COL15A1: variants seen among roughly 807,000 people sequenced by gnomAD.
COL15A1 encodes collagen type XV alpha 1 chain.
A neutral mutation model predicts 165.9 loss-of-function variants in COL15A1; 111 were observed. The observed-to-expected ratio is 0.67, with a 90% CI of 0.57 to 0.78. The LOEUF (loss-of-function observed/expected upper bound fraction) is 0.78, where lower values mean the gene tolerates loss of function less well. Ranked by LOEUF, COL15A1 falls within the 30% of genes least tolerant of loss-of-function variation. The probability of loss-of-function intolerance (pLI) is 0.00; values close to 1 mark genes in which losing one functional copy is unlikely to be tolerated. For synonymous variants in COL15A1, 659 were observed against 674.8 expected (o/e 0.98, Z 0.36); for missense variants, 1,745 against 1,789.7 (o/e 0.98, Z 0.45).
intron 35 of COL15A1, among the ~76,000 whole-genome samples, chr9:99,056,690 A>G (rs1825725647): frequency 1.3e-5 from 2 of 152,340 alleles, no homozygotes; most frequent in South Asian, 2.1e-4. Flanking sequence ...CATACCAATT[A>G]GCAGTTGTTC....
intron 16 of COL15A1, among the ~76,000 whole-genome samples, chr9:99,031,290 G>A (rs1839209787): frequency 6.6e-6 from 1 of 152,118 alleles, no homozygotes; most frequent in African/African-American, 2.4e-5. Context: ...CCAAGAACTG[G>A]GTAGTGTGTC....
intron 9 of COL15A1, among the ~76,000 whole-genome samples, chr9:99,005,679 T>C (rs1889268): frequency 0.41 from 62,650 of 152,068 alleles, 14,134 homozygotes; most frequent in East Asian, 0.68. Context: ...TTAAGTTCTA[T>C]ATCCCATCAA....
At chr9:99,021,914 G>A (rs917729459) in intron 12 of COL15A1, among the ~76,000 whole-genome samples, 177 bp from the exon 13 acceptor site, 28 of 152,210 alleles carry the variant, frequency 1.8e-4, no homozygotes, top group Admixed American at 6.5e-5. Context: ...AGAAACAAAG[G>A]GCTTCTGAGC....
At chr9:99,053,064 A>G (rs1445844790) in intron 31 of COL15A1, among the ~76,000 whole-genome samples, 1 of 152,200 alleles carries the variant, frequency 6.6e-6, no homozygotes, top group African/African-American at 2.4e-5. Context: ...TGAGTAGTAA[A>G]TGTCAGCATA....
At chr9:99,013,420 T>C (rs1285599080) in intron 9 of COL15A1, among the ~76,000 whole-genome samples, 4 of 152,114 alleles carry the variant, frequency 2.6e-5, no homozygotes, top group Non-Finnish European at 5.9e-5. Context: ...AAACAATAGT[T>C]CAATTCCTCA....
At chr9:99,049,663 T>A (rs1164957418) in intron 28 of COL15A1, 27 bp from the exon 29 acceptor site, 4 of 1,612,082 alleles carry the variant, frequency 2.5e-6, no homozygotes, top group Admixed American at 1.7e-5. Flanking sequence ...CCTGAACTAA[T>A]GGAATGGCCT....
intron 16 of COL15A1, among the ~76,000 whole-genome samples, chr9:99,033,943 C>T (rs1034579793): frequency 3.3e-5 from 5 of 152,096 alleles, no homozygotes; most frequent in South Asian, 2.1e-4. Context: ...AGCTCACAGC[C>T]GACTCCTTTC....
At chr9:98,975,571 G>C (rs979181309) in intron 2 of COL15A1, among the ~76,000 whole-genome samples, 9 of 152,232 alleles carry the variant, frequency 5.9e-5, no homozygotes, top group African/African-American at 2.2e-4. Context: ...ATTCTGCCTG[G>C]TTTCCATGGA....
intron 2 of COL15A1, among the ~76,000 whole-genome samples, chr9:98,964,757 C>A (rs1489156917): frequency 1.3e-5 from 2 of 152,166 alleles, no homozygotes; most frequent in African/African-American, 2.4e-5. Context: ...CATGCCAAAG[C>A]TGCTCGAGCT....
Position 99,047,692 on chromosome 9 carries a change from G to A in COL15A1, c.2680-94G>A, listed in dbSNP as rs549034930. On this transcript the variant is annotated intron_variant, in intron 26 of 41. Transcript: ENST00000375001. ...TCCTTCCTCCTGTCAGTGGATCATC[G>A]TCACCACTGCCTGCAAAAGCGGGCT... is the stretch of plus-strand genomic sequence containing the variant. The A allele has an allele frequency of 1.6e-5, 21 of 1,319,054 alleles. 1 individual carries two copies. The East Asian group carries it at 2.8e-4, about 17-fold the overall frequency. The allele number at this position is 1,319,054 out of a possible 1,614,324, so 81.7% of individuals were successfully genotyped here. A position where few individuals can be genotyped will look rare whatever the true frequency, so the allele number is the denominator to read the frequency against.
At chr9:99,037,864 A>G (rs1201305666) in intron 21 of COL15A1, among the ~76,000 whole-genome samples, 2 of 152,216 alleles carry the variant, frequency 1.3e-5, no homozygotes, top group Admixed American at 1.3e-4. Flanking sequence ...AGCAGAGGGT[A>G]GGACAATGTG....
intron 16 of COL15A1, among the ~76,000 whole-genome samples, chr9:99,033,645 A>C (rs1252331522): frequency 6.6e-6 from 1 of 152,180 alleles, no homozygotes; most frequent in East Asian, 1.9e-4. Context: ...TTTTAGAACT[A>C]TCCATTCTCT....
At chr9:99,000,632 C>T (rs1838633987) in intron 6 of COL15A1, among the ~76,000 whole-genome samples, 1 of 152,170 alleles carries the variant, frequency 6.6e-6, no homozygotes, top group African/African-American at 2.4e-5. Context: ...AGAAGTTGAG[C>T]GACTTGCCTG....
rs72737278 is a variant in COL15A1 at position 99,011,060 on chromosome 9, A to G, written c.1354-4357A>G. Among the ~76,000 whole-genome samples the G allele has an allele frequency of 3.3e-3, 510 of 152,348 alleles. 2 individuals carry two copies. The highest frequency in any genetic ancestry group is 4.3e-3 in the Non-Finnish European group (292 of 68,040). The stretch of plus-strand genomic sequence containing the variant: ...TACAGGAGCTGAAAATGAGTTGAAG[A>G]TTAGTTATTATTTCAGGCCTTTTAA... On this transcript the variant is annotated intron_variant, in intron 9 of 41. Transcript: ENST00000375001.
chr9:98,944,471 T>C (rs1837543237), intron 2 of COL15A1, among the ~76,000 whole-genome samples: 2 of 152,060 alleles, frequency 1.3e-5, no homozygotes, highest in Non-Finnish European at 2.9e-5. Context: ...GTTGGAGCGT[T>C]GTCTGGGCAC....
chr9:98,981,529 C>T (rs574678383), intron 2 of COL15A1, among the ~76,000 whole-genome samples: 1 of 152,288 alleles, frequency 6.6e-6, no homozygotes, highest in Admixed American at 6.5e-5. Context: ...AAATACAATG[C>T]TGAGTGAAAA....
intron 26 of COL15A1, among the ~76,000 whole-genome samples, chr9:99,045,954 T>C (rs1839486016): frequency 6.6e-6 from 1 of 152,220 alleles, no homozygotes; most frequent in South Asian, 2.1e-4. Context: ...GGTGAATCCT[T>C]CAAAAGACCT....
intron 2 of COL15A1, among the ~76,000 whole-genome samples, chr9:98,951,475 G>T (rs1837685623): frequency 6.6e-6 from 1 of 152,194 alleles, no homozygotes; most frequent in South Asian, 2.1e-4. Flanking sequence ...AGTCCCTATG[G>T]ACTTCAGCTC....
chr9:98,945,588 C>T (rs1837568500), intron 2 of COL15A1, among the ~76,000 whole-genome samples: 1 of 152,184 alleles, frequency 6.6e-6, no homozygotes, highest in Non-Finnish European at 1.5e-5. Context: ...TGAAGAAGCC[C>T]AAGACAGCCC....
Sources: gnomAD v4.1 joint callset for allele counts (sites outside exome capture counted in the v4.1 genomes callset) on GRCh38, gnomAD v4.1.1 for gene constraint, MANE v1.5 for transcripts, NCBI Gene and HGNC (gene_info 2026-07-23, HGNC 2026-07-21) for gene names.